The following COL4A4 variants were observed in gnomAD, a reference collection of about 807,000 sequenced individuals.
COL4A4 encodes the protein collagen type IV alpha 4 chain.
A neutral mutation model predicts 192.9 loss-of-function variants in COL4A4; 105 were observed. The ratio of observed to expected loss-of-function variants is 0.54; its 90% CI spans 0.46 to 0.64. The LOEUF (loss-of-function observed/expected upper bound fraction) is 0.64, where lower values mean the gene tolerates loss of function less well. COL4A4 is among the 30% of genes least tolerant of loss of function. The pLI is 0.00. For missense variants in COL4A4, 1,967 were observed against 2,169.3 expected, an observed-to-expected ratio of 0.91 and a Z score of 1.85; for synonymous variants, 762 against 769.9, an observed-to-expected ratio of 0.99 and a Z score of 0.17.
At chr2:227,034,570 A>T (rs10186713) in intron 37 of COL4A4, among the ~76,000 whole-genome samples, 74,531 of 144,216 alleles carry the variant, frequency 0.52, 19,182 homozygotes, top group African/African-American at 0.58. Context: ...TTAATTAATT[A>T]ATTTATTTAT....
chr2:227,143,378 C>T (rs1412799024), intron 3 of COL4A4, among the ~76,000 whole-genome samples: 1 of 152,156 alleles, frequency 6.6e-6, no homozygotes, highest in Non-Finnish European at 1.5e-5. Flanking sequence ...TCAATAGGTA[C>T]GTGCATTCAA....
intron 7 of COL4A4, among the ~76,000 whole-genome samples, chr2:227,117,951 G>C (rs2061579857): frequency 6.6e-6 from 1 of 152,228 alleles, no homozygotes; most frequent in African/African-American, 2.4e-5. Flanking sequence ...TTTATAGCTG[G>C]ATGTGAATTA....
At chr2:227,101,041 C>T (rs2060490272) in intron 17 of COL4A4, among the ~76,000 whole-genome samples, 1 of 152,156 alleles carries the variant, frequency 6.6e-6, no homozygotes, top group Non-Finnish European at 1.5e-5. Context: ...ATCTCCTGAC[C>T]TCATGATCTG....
At chr2:227,042,679 GGGA>G (rs1213803653) in intron 36 of COL4A4, among the ~76,000 whole-genome samples, 5 of 152,162 alleles carry the variant, frequency 3.3e-5, no homozygotes, top group African/African-American at 1.2e-4. Context: ...CCGGCACTTT[GGGA>G]GGCTGAGACA....
chr2:227,138,013 C>T (rs561522876), intron 4 of COL4A4, among the ~76,000 whole-genome samples: 18 of 152,086 alleles, frequency 1.2e-4, no homozygotes, highest in South Asian at 4.2e-4. Flanking sequence ...GGCTCAAGAC[C>T]GGCTTCACAC....
At chr2:227,008,441 G>A (rs998608662) in intron 46 of COL4A4, 137 bp from the exon 47 acceptor site, 9 of 998,936 alleles carry the variant, frequency 9.0e-6, no homozygotes, top group Admixed American at 6.0e-5. Context: ...CTTCTGTGGT[G>A]AGGAAGCCAT....
At chr2:227,103,822 G>T in intron 13 of COL4A4, 150 bp downstream of exon 13, 1 of 692,992 alleles carries the variant, frequency 1.4e-6, no homozygotes, top group Non-Finnish European at 2.6e-6. Context: ...GCCGCACGAT[G>T]GGGCCAACAG....
chr2:227,025,353 A>G (rs556532288), intron 43 of COL4A4, among the ~76,000 whole-genome samples: 1 of 152,344 alleles, frequency 6.6e-6, no homozygotes, highest in Non-Finnish European at 1.5e-5. Flanking sequence ...GCTCCTTGAA[A>G]ATGGACTTGA....
chr2:226,988,857 C>A, the COL4A4 span: 1 of 246,974 alleles, frequency 4.0e-6, no homozygotes, highest in Non-Finnish European at 6.5e-6. Context: ...TATTGCCAAA[C>A]CTTACTCCTT....
chr2:226,971,499 G>A, the COL4A4 span, among the ~76,000 whole-genome samples: 3 of 152,166 alleles, frequency 2.0e-5, no homozygotes, highest in Non-Finnish European at 4.4e-5. Flanking sequence ...TACAGCTAAG[G>A]CATGAGAAAG....
At chr2:227,048,338 G>A (rs907501898) in intron 34 of COL4A4, among the ~76,000 whole-genome samples, 1 of 152,122 alleles carries the variant, frequency 6.6e-6, no homozygotes, top group Non-Finnish European at 1.5e-5. Context: ...TGCTTGAGGG[G>A]TGGGATTCTG....
At chr2:227,024,545 A>T (rs1966638638) in intron 43 of COL4A4, among the ~76,000 whole-genome samples, 1 of 152,262 alleles carries the variant, frequency 6.6e-6, no homozygotes, top group Admixed American at 6.5e-5. Context: ...GTGTTCTTCA[A>T]ATGTATGCAA....
chr2:227,067,578 C>T (rs972904821), intron 25 of COL4A4, among the ~76,000 whole-genome samples: 2 of 152,130 alleles, frequency 1.3e-5, no homozygotes, highest in African/African-American at 2.4e-5. Flanking sequence ...CAAAACCACT[C>T]AACTACATGG....
chr2:227,148,305 G>A (rs965079708), intron 1 of COL4A4, among the ~76,000 whole-genome samples: 13 of 152,152 alleles, frequency 8.5e-5, no homozygotes, highest in Non-Finnish European at 1.9e-4. Context: ...TCCATACAAT[G>A]GAGTATTATT....
At chr2:227,088,974 GC>G (rs1369590018) in intron 21 of COL4A4, among the ~76,000 whole-genome samples, 158 bp from the exon 22 acceptor site, 2 of 152,170 alleles carry the variant, frequency 1.3e-5, no homozygotes, top group Non-Finnish European at 2.9e-5. Context: ...GCTGGGTGTG[GC>G]ATGGGGCACT....
chr2:227,114,876 CT>C lies in COL4A4; in HGVS notation c.490-181del, dbSNP rs560742293. ...ACCCTAAGGTTCTCACATATATTTA[CT>C]CCATATTCAGTTAAGATCTGTTAAG... On this transcript the variant is annotated intron_variant, in intron 7 of 47. Transcript: ENST00000396625. Among the ~76,000 whole-genome samples the C allele has an allele frequency of 1.3e-4, 20 of 152,306 alleles. No homozygotes were observed. In the East Asian group the frequency reaches 3.9e-3, roughly 29 times the overall value.
intron 23 of COL4A4, 23 bp downstream of exon 23, chr2:227,082,092 G>T: frequency 6.2e-7 from 1 of 1,606,098 alleles, no homozygotes; most frequent in Non-Finnish European, 8.5e-7. Context: ...ATGGCAGGGA[G>T]TTAAGTGATT....
At chr2:227,156,362 C>T (rs1386968364) in intron 1 of COL4A4, among the ~76,000 whole-genome samples, 2 of 146,666 alleles carry the variant, frequency 1.4e-5, no homozygotes, top group Non-Finnish European at 3.0e-5. Context: ...CAGGCCACTG[C>T]AGCCAACCTA....
the COL4A4 span, chr2:226,995,648 G>A: frequency 4.1e-4 from 292 of 703,740 alleles, no homozygotes; most frequent in Non-Finnish European, 5.8e-4. Flanking sequence ...GCTCCAGATC[G>A]CTCACATCAC....
Sources: gnomAD v4.1 joint callset for allele counts (sites outside exome capture counted in the v4.1 genomes callset) on GRCh38, gnomAD v4.1.1 for gene constraint, MANE v1.5 for transcripts, NCBI Gene and HGNC (gene_info 2026-07-23, HGNC 2026-07-21) for gene names.